Variants in MKNK1 observed in about 807,000 individuals in gnomAD.
The protein encoded by MKNK1 is MAPK interacting serine/threonine kinase 1.
MKNK1 carries 30 observed loss-of-function variants against 49.3 expected under a neutral mutation model. The ratio of observed to expected loss-of-function variants is 0.61; its 90% CI spans 0.46 to 0.83. The LOEUF (loss-of-function observed/expected upper bound fraction) is 0.83. Among genes scored for constraint, MKNK1 ranks in the 40% least tolerant of loss-of-function variants. The probability of loss-of-function intolerance (pLI) is 0.00; values close to 1 mark genes in which losing one functional copy is unlikely to be tolerated. For missense variants in MKNK1, 423 were observed against 524.7 expected (o/e 0.81, Z 1.89); for synonymous variants, 176 against 201.7 (o/e 0.87, Z 1.08).
intron 1 of MKNK1, 84 bp downstream of exon 1, chr1:46,604,101 C>A (rs1208989253): frequency 6.6e-6 from 1 of 152,358 alleles, no homozygotes; most frequent in Admixed American, 6.5e-5. Flanking sequence ...AAGGCCCTGA[C>A]TGCCCCCTTC....
intron 2 of MKNK1, among the ~76,000 whole-genome samples, chr1:46,591,060 T>G (rs1490211786): frequency 2.0e-5 from 3 of 152,240 alleles, no homozygotes; most frequent in African/African-American, 7.2e-5. Context: ...TACGTTCTTC[T>G]GTCTGACCCA....
At chr1:46,578,162 T>G (rs1671248388) in intron 4 of MKNK1, among the ~76,000 whole-genome samples, 1 of 152,176 alleles carries the variant, frequency 6.6e-6, no homozygotes, top group African/African-American at 2.4e-5. Flanking sequence ...GAGGAAGTAA[T>G]GGGCTCTTGC....
intron 9 of MKNK1, chr1:46,563,091 G>A (rs1023087493): frequency 6.7e-6 from 3 of 444,572 alleles, no homozygotes; most frequent in Non-Finnish European, 3.9e-6. Context: ...TCCTCCTCCA[G>A]TAGGCAAAGA....
rs993785488 is a variant in MKNK1 at position 46,586,912 on chromosome 1, A to G, written c.-2-3583T>C. 5.9e-5 allele frequency among the ~76,000 whole-genome samples: 9 copies of G among 152,176 alleles called. No homozygotes were observed. The East Asian group carries it at 1.5e-3, about 26-fold the overall frequency. On this transcript the variant is annotated intron_variant, in intron 2 of 12. Coordinates refer to ENST00000371945, the MANE Select transcript of MKNK1 (RefSeq NM_001135553.4). The stretch of plus-strand genomic sequence containing the variant: ...AACCTCTGCCTCCCGGGTTCAAGCG[A>G]TTCTCCTGCCTCAGCCTCCAGAGTA...
In MKNK1 at chr1:46,574,524, C is replaced by T. The variant is rs962891440; in HGVS notation, c.352+423G>A. 3.8e-5 allele frequency: 6 copies of T among 157,604 alleles called. 1 individual carries two copies. In the Middle Eastern group the frequency reaches 0.016, roughly 410 times the overall value. The allele number at this position is 157,604 out of a possible 1,614,324, so 9.8% of individuals were successfully genotyped here. A position where few individuals can be genotyped will look rare whatever the true frequency, so the allele number is the denominator to read the frequency against. Reference sequence around the variant, plus strand: ...GCATCTTTCCATCTGAAGGATGGCACATTCTCAGGCTTCCCCTTTATCCTG... The same window carrying T: ...GCATCTTTCCATCTGAAGGATGGCATATTCTCAGGCTTCCCCTTTATCCTG... On this transcript the variant is annotated intron_variant, in intron 6 of 12. Coordinates refer to ENST00000371945, the MANE Select transcript of MKNK1 (RefSeq NM_001135553.4).
In MKNK1 at chr1:46,589,965, C is replaced by G. The variant is rs1236038072; in HGVS notation, c.-3+4148G>C. Among the ~76,000 whole-genome samples, 2 of 152,116 alleles carry G rather than the reference C, an allele frequency of 1.3e-5. No individual in the cohort carries two copies. The highest frequency in any genetic ancestry group is 2.9e-5 in the Non-Finnish European group (2 of 68,040). ...CCCACTGAGAACCCGACTTTGCTGG[C>G]TAGCTCAGCTCTGCAAACTTAGCTC... On this transcript the variant is annotated intron_variant, in intron 2 of 12. Coordinates refer to ENST00000371945, the MANE Select transcript of MKNK1 (RefSeq NM_001135553.4). This position sits in a 1 kb window ranked among gnomAD's most constrained non-coding sequence, Gnocchi z 4.3.
At chr1:46,568,570 T>G (rs1669513910) in intron 7 of MKNK1, 72 bp from the exon 8 acceptor site, 1 of 1,425,988 alleles carries the variant, frequency 7.0e-7, no homozygotes, top group Non-Finnish European at 9.9e-7. Flanking sequence ...CACAATTAAT[T>G]TTTTCCAAAT....
chr1:46,590,854 C>A (rs1557886863), intron 2 of MKNK1, among the ~76,000 whole-genome samples: 1 of 152,178 alleles, frequency 6.6e-6, no homozygotes. Flanking sequence ...GCAGCACTGC[C>A]CTAGCTTCTG....
At chr1:46,601,478 G>A (rs1282502811) in intron 1 of MKNK1, among the ~76,000 whole-genome samples, 1 of 152,184 alleles carries the variant, frequency 6.6e-6, no homozygotes, top group African/African-American at 2.4e-5. Context: ...GCTTTCCCCT[G>A]TTTGAACTGT....
At chr1:46,582,812 A>T in intron 3 of MKNK1, 1 of 459,158 alleles carries the variant, frequency 2.2e-6, no homozygotes, top group East Asian at 6.9e-5. Context: ...TTCTCTGCTT[A>T]CAGGAGACTG....
intron 6 of MKNK1, 56 bp from the exon 7 acceptor site, chr1:46,572,223 T>TG: frequency 8.4e-7 from 1 of 1,190,464 alleles, no homozygotes; most frequent in East Asian, 2.8e-5. Flanking sequence ...TAAGTATAAG[T>TG]TTTTTTTTTA....
rs138756517 is a variant in MKNK1, at chr1:46,567,277, G to A, written c.513+1166C>T. Among the ~76,000 whole-genome samples the A allele has an allele frequency of 1.5e-3, 231 of 152,146 alleles. 3 individuals carry two copies. The highest frequency in any genetic ancestry group is 5.2e-3 in the African/African-American group (215 of 41,500). On this transcript the variant is annotated intron_variant, in intron 8 of 12. Coordinates refer to ENST00000371945, the MANE Select transcript of MKNK1 (RefSeq NM_001135553.4). ...TCTCTTTCGCCTTGCCTTTCCTCAC[G>A]TTCTTGTTATGAGACAGAATCTCTG... is the stretch of plus-strand genomic sequence containing the variant.
chr1:46,587,197 CT>C (rs1208108962), intron 2 of MKNK1, among the ~76,000 whole-genome samples: 10 of 152,200 alleles, frequency 6.6e-5, no homozygotes, highest in African/African-American at 2.4e-5. Flanking sequence ...GTGAGCACTT[CT>C]TTTCAGTTTC....
At chr1:46,571,154 T>C (rs1010759763) in intron 7 of MKNK1, among the ~76,000 whole-genome samples, 10 of 152,252 alleles carry the variant, frequency 6.6e-5, no homozygotes, top group Admixed American at 1.3e-4. Context: ...TAATCAGTCA[T>C]AGGAAAGGGG....
intron 3 of MKNK1, chr1:46,582,775 A>T (rs1047185614): frequency 1.6e-5 from 7 of 438,546 alleles, no homozygotes; most frequent in African/African-American, 1.2e-4. Flanking sequence ...CACACACAGC[A>T]TAAGTAGCTA....
intron 4 of MKNK1, 38 bp downstream of exon 4, chr1:46,580,484 ATGACTATT>A: frequency 7.8e-7 from 1 of 1,282,106 alleles, no homozygotes; most frequent in South Asian, 1.2e-5. Flanking sequence ...TGAGCTAGGA[ATGACTATT>A]TGCAAAGTAA....
At chr1:46,566,212 G>T (rs572914425) in intron 8 of MKNK1, among the ~76,000 whole-genome samples, 45 of 152,146 alleles carry the variant, frequency 3.0e-4, no homozygotes, top group African/African-American at 1.0e-3. Context: ...TTATTAATTT[G>T]CCCATTCCAG....
At chr1:46,571,323 C>T (rs1670087880) in intron 7 of MKNK1, 1 of 227,728 alleles carries the variant, frequency 4.4e-6, no homozygotes, top group South Asian at 4.4e-5. Context: ...GCAGGAGGAT[C>T]GCTTGAGCCC....
intron 9 of MKNK1, among the ~76,000 whole-genome samples, chr1:46,563,296 C>T (rs533371011): frequency 1.3e-5 from 2 of 152,250 alleles, no homozygotes; most frequent in African/African-American, 2.4e-5. Context: ...ATTAAGAGAC[C>T]GTCAAAGCTA....
Sources: allele counts gnomAD v4.1 joint callset (sites outside exome capture counted in the v4.1 genomes callset), GRCh38; gene constraint gnomAD v4.1.1; non-coding constraint Gnocchi (gnomAD v3.1); transcripts MANE v1.5; gene names NCBI Gene and HGNC (gene_info 2026-07-23, HGNC 2026-07-21).